CSMD1: variants seen among roughly 807,000 people sequenced by gnomAD.
CSMD1 encodes CUB and sushi domain-containing protein 1.
CSMD1 carries 213 observed loss-of-function variants against 417.5 expected under a neutral mutation model. That is an observed-to-expected ratio of 0.51 (90% CI 0.46 to 0.57). CSMD1 has a LOEUF of 0.57. Among genes scored for constraint, CSMD1 ranks in the 20% least tolerant of loss-of-function variants. CSMD1 has a pLI of 0.00. For missense variants in CSMD1, 6,923 were observed against 4,529.7 expected (o/e 1.53, Z -15.17); for synonymous variants, 2,862 against 1,736.8 (o/e 1.65, Z -16.11).
chr8:4,388,865 A>G (rs1159129785), intron 3 of CSMD1, among the ~76,000 whole-genome samples: 3 of 152,200 alleles, frequency 2.0e-5, no homozygotes, highest in African/African-American at 7.2e-5. Flanking sequence ...AAAACTTTGA[A>G]ATCAGCTGAA....
chr8:3,396,471 C>G, intron 16 of CSMD1, 90 bp from the exon 17 acceptor site: 1 of 905,804 alleles, frequency 1.1e-6, no homozygotes, highest in Non-Finnish European at 1.6e-6. Context: ...AATCAGAAAC[C>G]CATGTACGTT....
At chr8:4,580,235 G>A (rs1253443242) in intron 2 of CSMD1, among the ~76,000 whole-genome samples, 2 of 152,184 alleles carry the variant, frequency 1.3e-5, no homozygotes, top group African/African-American at 2.4e-5. Flanking sequence ...TGTGGGTACT[G>A]CCTTAACACG....
At chr8:4,311,958 G>A (rs1798608946) in intron 3 of CSMD1, among the ~76,000 whole-genome samples, 2 of 151,802 alleles carry the variant, frequency 1.3e-5, no homozygotes, top group Non-Finnish European at 2.9e-5. Context: ...CCCTAAACCT[G>A]AAACTTAGAA....
At chr8:3,207,560 T>C (rs1195643294) in intron 30 of CSMD1, among the ~76,000 whole-genome samples, 1 of 152,196 alleles carries the variant, frequency 6.6e-6, no homozygotes, top group Non-Finnish European at 1.5e-5. Flanking sequence ...TTTTCCATGA[T>C]GAATTAAGCT....
At chr8:3,642,345 G>T (rs1244876068) in intron 7 of CSMD1, among the ~76,000 whole-genome samples, 1 of 152,058 alleles carries the variant, frequency 6.6e-6, no homozygotes, top group African/African-American at 2.4e-5. Flanking sequence ...GGTGCTGTGG[G>T]GAGAAAGAAG....
At chr8:4,142,191 C>T (rs1188011591) in intron 3 of CSMD1, among the ~76,000 whole-genome samples, 1 of 151,028 alleles carries the variant, frequency 6.6e-6, no homozygotes, top group East Asian at 1.9e-4. Flanking sequence ...AAGATAATCA[C>T]CAGATTAAAA....
intron 49 of CSMD1, among the ~76,000 whole-genome samples, chr8:3,064,372 CT>C (rs1027459143): frequency 3.9e-5 from 6 of 152,120 alleles, no homozygotes; most frequent in Admixed American, 3.3e-4. Context: ...CATTTCGCCC[CT>C]AGCTCTCTCC....
chr8:4,042,449 C>T (rs987529833), intron 3 of CSMD1, among the ~76,000 whole-genome samples: 4 of 151,854 alleles, frequency 2.6e-5, no homozygotes, highest in Non-Finnish European at 5.9e-5. Context: ...ATTTATATGA[C>T]AAAAATATTT....
rs539082413 is a variant in CSMD1, at chr8:4,477,843, G to C, written c.303-57778C>G. ...GCTGTATTATATTTTTGGTTTGTTT[G>C]CTTTAACTGGACATAAATTCTGAAA... On this transcript the variant is annotated intron_variant, in intron 2 of 69. Transcript: ENST00000635120. Among the ~76,000 whole-genome samples, 6 of 152,262 alleles carry C rather than the reference G, an allele frequency of 3.9e-5. 1 individual carries two copies. Among genetic ancestry groups the C allele is most frequent in the African/African-American group, 1.4e-4 (6 of 41,560 alleles).
chr8:2,955,781 T>C lies in CSMD1; in HGVS notation c.9815-13A>G, dbSNP rs780692247. ...CTGCAGGCATGAGCTGAAACAACAT[T>C]AGGAAACATTGAGACTTTGTTTATT... On this transcript the variant is annotated splice_polypyrimidine_tract_variant and intron_variant, in intron 63 of 69. Transcript: ENST00000635120. 8.1e-6 allele frequency: 13 copies of C among 1,610,634 alleles called. No individual in the cohort carries two copies. The Middle Eastern group carries it at 1.8e-3, about 226-fold the overall frequency.
In CSMD1 at chr8:3,220,342, C is replaced by G. The variant is rs1018048338; in HGVS notation, c.4485-900G>C. Among the ~76,000 whole-genome samples, 4 of 152,078 alleles carry G rather than the reference C, an allele frequency of 2.6e-5. No individual in the cohort carries two copies. In the South Asian group the frequency reaches 8.3e-4, roughly 32 times the overall value. On this transcript the variant is annotated intron_variant, in intron 28 of 69. Coordinates refer to ENST00000635120, the MANE Select transcript of CSMD1 (RefSeq NM_033225.6). ...TTCTCTCTGCTCTAATATTAACATA[C>G]AGTCAGTCCCCAAAGAGTGTAACAA...
intron 11 of CSMD1, among the ~76,000 whole-genome samples, chr8:3,490,560 G>A (rs1255498820): frequency 2.0e-5 from 3 of 152,124 alleles, no homozygotes; most frequent in Admixed American, 2.0e-4. Flanking sequence ...TCTCCGGAGT[G>A]TTTGCATGCA....
intron 1 of CSMD1, among the ~76,000 whole-genome samples, chr8:4,748,591 A>T (rs1486611114): frequency 6.6e-6 from 1 of 152,220 alleles, no homozygotes; most frequent in African/African-American, 2.4e-5. Flanking sequence ...GAGAAGACTC[A>T]CGGGGAGAAA....
chr8:3,341,327 G>A (rs1807628080), intron 23 of CSMD1, among the ~76,000 whole-genome samples: 1 of 152,168 alleles, frequency 6.6e-6, no homozygotes, highest in Admixed American at 6.5e-5. Context: ...AAACAGCTCA[G>A]TATCCCTACA....
chr8:3,003,437 T>C (rs989322211), intron 52 of CSMD1, among the ~76,000 whole-genome samples: 9 of 152,214 alleles, frequency 5.9e-5, no homozygotes, highest in Non-Finnish European at 1.0e-4. Flanking sequence ...TTCATGCTTC[T>C]CTGCTGTGTC....
At chr8:3,747,256 C>T (rs1797106840) in intron 6 of CSMD1, among the ~76,000 whole-genome samples, 1 of 152,152 alleles carries the variant, frequency 6.6e-6, no homozygotes, top group Non-Finnish European at 1.5e-5. Flanking sequence ...TTCTGTTCTG[C>T]CATCCAATAA....
chr8:3,777,815 C>A (rs577429139), intron 5 of CSMD1, among the ~76,000 whole-genome samples: 1 of 148,894 alleles, frequency 6.7e-6, no homozygotes, highest in Non-Finnish European at 1.5e-5. Flanking sequence ...AGTCTCAGTT[C>A]CCACTCCAGA....
intron 1 of CSMD1, among the ~76,000 whole-genome samples, chr8:4,955,525 G>T (rs1413214069): frequency 2.0e-5 from 3 of 151,464 alleles, no homozygotes; most frequent in African/African-American, 4.9e-5. Flanking sequence ...GCATGATCTC[G>T]GCACACTGCA....
chr8:4,730,045 T>G (rs1809740748), intron 1 of CSMD1, among the ~76,000 whole-genome samples: 1 of 152,128 alleles, frequency 6.6e-6, no homozygotes, highest in Non-Finnish European at 1.5e-5. Flanking sequence ...ATGTTTTAAC[T>G]CCTCTCAGAA....
Sources: allele counts gnomAD v4.1 joint callset (sites outside exome capture counted in the v4.1 genomes callset), GRCh38; gene constraint gnomAD v4.1.1; transcripts MANE v1.5; gene names NCBI Gene and HGNC (gene_info 2026-07-23, HGNC 2026-07-21).